ROBO2: variants seen among roughly 807,000 people sequenced by gnomAD.
The protein encoded by ROBO2 is roundabout homolog 2.
ROBO2 carries 53 observed loss-of-function variants against 160.8 expected under a neutral mutation model. The observed-to-expected ratio is 0.33, with a 90% CI of 0.26 to 0.41. ROBO2 has a LOEUF of 0.41. ROBO2 is among the 10% of genes least tolerant of loss of function. ROBO2 has a pLI of 1.00. For synonymous variants in ROBO2, 664 were observed against 611.7 expected, an observed-to-expected ratio of 1.09 and a Z score of -1.26; for missense variants, 1,577 against 1,722.4, an observed-to-expected ratio of 0.92 and a Z score of 1.49.
intron 2 of ROBO2, among the ~76,000 whole-genome samples, chr3:77,400,651 T>A (rs1022725268): frequency 2.4e-4 from 37 of 152,224 alleles, no homozygotes; most frequent in African/African-American, 8.7e-4. Flanking sequence ...TGATTGTTTT[T>A]ATGATTGCCT....
chr3:77,022,577 A>C (rs2062705720), intron 2 of ROBO2, among the ~76,000 whole-genome samples: 1 of 152,186 alleles, frequency 6.6e-6, no homozygotes, highest in African/African-American at 2.4e-5. Flanking sequence ...ATAAAAATGG[A>C]CAATTTTCCC....
intron 2 of ROBO2, among the ~76,000 whole-genome samples, chr3:77,243,480 T>C (rs1236604839): frequency 6.6e-6 from 1 of 151,944 alleles, no homozygotes. Context: ...GTGTGGAGGG[T>C]AGTTCAGTTT....
chr3:77,129,800 G>C (rs1012793136), intron 2 of ROBO2, among the ~76,000 whole-genome samples: 33 of 152,096 alleles, frequency 2.2e-4, no homozygotes, highest in African/African-American at 8.0e-4. Context: ...TTGTAGTTCA[G>C]ACTGGCAGCA....
At chr3:76,818,171 T>C (rs532172339) in intron 2 of ROBO2, among the ~76,000 whole-genome samples, 38 of 152,220 alleles carry the variant, frequency 2.5e-4, no homozygotes, top group Admixed American at 4.6e-4. Context: ...TATTATTTTT[T>C]GATTATGGCC....
At chr3:76,445,153 A>G (rs1241947113) in intron 2 of ROBO2, among the ~76,000 whole-genome samples, 1 of 152,198 alleles carries the variant, frequency 6.6e-6, no homozygotes. Flanking sequence ...AATCCATAGA[A>G]TAAACTTATT....
At chr3:75,971,711 C>A (rs1470905246) in intron 2 of ROBO2, among the ~76,000 whole-genome samples, 4 of 151,412 alleles carry the variant, frequency 2.6e-5, no homozygotes, top group African/African-American at 9.7e-5. Context: ...CTTCAGGCTA[C>A]ATGGCTAAAT....
intron 2 of ROBO2, among the ~76,000 whole-genome samples, chr3:76,187,622 A>G (rs1701826621): frequency 6.6e-6 from 1 of 152,030 alleles, no homozygotes; most frequent in Admixed American, 6.6e-5. Context: ...ACCTTTCTCT[A>G]TGTCAATAAA....
intron 2 of ROBO2, among the ~76,000 whole-genome samples, chr3:76,615,444 G>C (rs977501608): frequency 6.6e-6 from 1 of 152,066 alleles, no homozygotes; most frequent in African/African-American, 2.4e-5. Context: ...TTCTGAGCAA[G>C]CCTTTTTAGT....
chr3:77,314,307 T>C (rs2153424938), intron 2 of ROBO2, among the ~76,000 whole-genome samples: 1 of 152,326 alleles, frequency 6.6e-6, no homozygotes. Flanking sequence ...GCTACCAATC[T>C]TACTTAGTCT....
intron 2 of ROBO2, among the ~76,000 whole-genome samples, chr3:76,985,570 C>G: frequency 1.1e-5 from 1 of 94,192 alleles, no homozygotes; most frequent in Admixed American, 1.3e-4. Context: ...AGCGAGACTC[C>G]GTCTGAAAAA....
At chr3:77,330,236 G>A (rs189146404) in intron 2 of ROBO2, among the ~76,000 whole-genome samples, 2 of 152,200 alleles carry the variant, frequency 1.3e-5, no homozygotes, top group East Asian at 3.9e-4. Context: ...TTATACTTGT[G>A]GCTGGGCACA....
intron 2 of ROBO2, among the ~76,000 whole-genome samples, chr3:76,116,245 T>C (rs947252378): frequency 4.6e-5 from 7 of 152,138 alleles, no homozygotes; most frequent in Non-Finnish European, 1.0e-4. Context: ...ATTACATGTA[T>C]ACCACAAAAG....
chr3:76,975,039 T>A (rs2059747673), intron 2 of ROBO2, among the ~76,000 whole-genome samples: 1 of 152,214 alleles, frequency 6.6e-6, no homozygotes, highest in Non-Finnish European at 1.5e-5. Flanking sequence ...CATGCTTTAA[T>A]ATGAATTTGT....
At chr3:76,578,762 A>C (rs1259263936) in intron 2 of ROBO2, among the ~76,000 whole-genome samples, 1 of 152,006 alleles carries the variant, frequency 6.6e-6, no homozygotes, top group Non-Finnish European at 1.5e-5. Flanking sequence ...CTCTTCTTTC[A>C]AGCTTCAGGC....
chr3:77,538,272 G>A (rs1236274498), intron 6 of ROBO2, among the ~76,000 whole-genome samples: 1 of 142,438 alleles, frequency 7.0e-6, no homozygotes, highest in Non-Finnish European at 1.5e-5. Flanking sequence ...TCCGCCTCCC[G>A]GGTTCACGCC....
At chr3:76,631,054 G>T (rs1338852239) in intron 2 of ROBO2, among the ~76,000 whole-genome samples, 1 of 152,058 alleles carries the variant, frequency 6.6e-6, no homozygotes, top group African/African-American at 2.4e-5. Flanking sequence ...AGAGTTAATG[G>T]TATCCATTAT....
intron 2 of ROBO2, among the ~76,000 whole-genome samples, chr3:76,421,082 CA>C (rs1196168442): frequency 6.6e-6 from 1 of 152,174 alleles, no homozygotes; most frequent in Admixed American, 6.5e-5. Context: ...TAGGTCAAAA[CA>C]TCTGTTAAAT....
chr3:77,423,397 C>T (rs977468348), intron 2 of ROBO2, among the ~76,000 whole-genome samples: 3 of 152,062 alleles, frequency 2.0e-5, no homozygotes, highest in African/African-American at 4.8e-5. Flanking sequence ...TACAGAATGA[C>T]AAATACTGTA....
intron 2 of ROBO2, among the ~76,000 whole-genome samples, chr3:76,378,118 C>T (rs1342259404): frequency 6.6e-6 from 1 of 152,126 alleles, no homozygotes; most frequent in East Asian, 1.9e-4. Context: ...ACTAGAAGCA[C>T]ATTTAAATAA....
Sources: allele counts gnomAD v4.1 joint callset (sites outside exome capture counted in the v4.1 genomes callset), GRCh38; gene constraint gnomAD v4.1.1; transcripts MANE v1.5; gene names NCBI Gene and HGNC (gene_info 2026-07-23, HGNC 2026-07-21).